Variants in LDB2 observed in about 807,000 individuals in gnomAD.
LDB2 encodes LIM domain binding 2, also known as LIM domain-binding protein 2.
LDB2 carries 12 observed loss-of-function variants against 44.3 expected under a neutral mutation model. The ratio of observed to expected loss-of-function variants is 0.27; its 90% CI spans 0.17 to 0.44. The LOEUF (loss-of-function observed/expected upper bound fraction) is 0.44, where lower values mean the gene tolerates loss of function less well. Ranked by LOEUF, LDB2 falls within the 20% of genes least tolerant of loss-of-function variation. LDB2 has a pLI of 1.00. For synonymous variants in LDB2, 164 were observed against 174.8 expected, an observed-to-expected ratio of 0.94 and a Z score of 0.49; for missense variants, 344 against 473.5, an observed-to-expected ratio of 0.73 and a Z score of 2.54.
chr4:16,864,412 T>C (rs1713893658), intron 1 of LDB2, among the ~76,000 whole-genome samples: 2 of 97,694 alleles, frequency 2.0e-5, no homozygotes, highest in Admixed American at 2.1e-4. Context: ...TTGGACTTTC[T>C]TCGCACAGAA....
At chr4:16,630,855 T>C (rs762306430) in intron 2 of LDB2, among the ~76,000 whole-genome samples, 1 of 152,136 alleles carries the variant, frequency 6.6e-6, no homozygotes, top group Non-Finnish European at 1.5e-5. Flanking sequence ...CATTACATAA[T>C]GGTAAAGGGA....
chr4:16,730,806 T>C (rs1760580680), intron 2 of LDB2, among the ~76,000 whole-genome samples: 1 of 152,198 alleles, frequency 6.6e-6, no homozygotes, highest in Non-Finnish European at 1.5e-5. Flanking sequence ...GACCTATTCA[T>C]TGTCATGACA....
At chr4:16,859,838 A>T (rs1405572992) in intron 1 of LDB2, among the ~76,000 whole-genome samples, 1 of 152,254 alleles carries the variant, frequency 6.6e-6, no homozygotes, top group Non-Finnish European at 1.5e-5. Flanking sequence ...AGTGATACAG[A>T]TAATTATAAA....
intron 5 of LDB2, among the ~76,000 whole-genome samples, chr4:16,547,586 G>A (rs1203503901): frequency 1.3e-5 from 2 of 152,146 alleles, no homozygotes; most frequent in Non-Finnish European, 2.9e-5. Flanking sequence ...TAGGGCTCCT[G>A]CCTGCTCCTT....
chr4:16,780,782 G>T (rs1773040087), intron 1 of LDB2, among the ~76,000 whole-genome samples: 1 of 151,724 alleles, frequency 6.6e-6, no homozygotes, highest in African/African-American at 2.4e-5. Context: ...TCTCAAATTG[G>T]GCTAAATGCT....
chr4:16,894,599 T>C (rs1403095335), intron 1 of LDB2, among the ~76,000 whole-genome samples: 5 of 152,118 alleles, frequency 3.3e-5, no homozygotes, highest in Non-Finnish European at 7.4e-5. Flanking sequence ...CTAAATGACC[T>C]CACATAAAAT....
At chr4:16,847,824 A>G (rs1160976119) in intron 1 of LDB2, among the ~76,000 whole-genome samples, 1 of 152,274 alleles carries the variant, frequency 6.6e-6, no homozygotes, top group South Asian at 2.1e-4. Context: ...TACCATGTTA[A>G]CCAGGATGGT....
At chr4:16,571,222 C>T (rs866345163) in intron 5 of LDB2, among the ~76,000 whole-genome samples, 14 of 152,146 alleles carry the variant, frequency 9.2e-5, no homozygotes, top group Non-Finnish European at 1.6e-4. Context: ...GGTTCTCCTT[C>T]GAGGAGTGAC....
chr4:16,608,344 G>C (rs948043006), intron 2 of LDB2, among the ~76,000 whole-genome samples: 2 of 152,152 alleles, frequency 1.3e-5, no homozygotes, highest in African/African-American at 4.8e-5. Context: ...GTCCACAGGG[G>C]GCTGTGCTTC....
At chr4:16,614,580 C>CAAAAAAAAAAAA (rs1164613202) in intron 2 of LDB2, among the ~76,000 whole-genome samples, 21 of 53,674 alleles carry the variant, frequency 3.9e-4, no homozygotes, top group Non-Finnish European at 6.5e-4. Flanking sequence ...CAAGAAAAAA[C>CAAAAAAAAAAAA]AAAAAAAAAA....
At chr4:16,740,030 GT>G (rs1469809686) in intron 2 of LDB2, among the ~76,000 whole-genome samples, 1 of 151,706 alleles carries the variant, frequency 6.6e-6, no homozygotes, top group Non-Finnish European at 1.5e-5. Context: ...CATGAGGGAG[GT>G]TTTTTGAACA....
chr4:16,601,975 T>C (rs545700412), intron 2 of LDB2, among the ~76,000 whole-genome samples: 81 of 152,296 alleles, frequency 5.3e-4, no homozygotes, highest in African/African-American at 1.8e-3. Flanking sequence ...TAGATCTTGT[T>C]GTTCTTGGTG....
chr4:16,754,429 C>T (rs181671327), intron 2 of LDB2, among the ~76,000 whole-genome samples: 1 of 152,124 alleles, frequency 6.6e-6, no homozygotes, highest in Non-Finnish European at 1.5e-5. Context: ...CCATGCATAT[C>T]AATGATAATA....
At position 16,508,693 on chromosome 4, in the gene LDB2, TA is replaced by T; in HGVS notation, c.740-8del. 9 of 1,612,884 alleles carry T rather than the reference TA, an allele frequency of 5.6e-6. No homozygotes were observed. The highest frequency in any genetic ancestry group is 7.6e-6 in the Non-Finnish European group (9 of 1,179,400). On this transcript the variant is annotated splice_polypyrimidine_tract_variant and splice_region_variant and intron_variant, in intron 6 of 7. Transcript: ENST00000304523. ...GGTTGCCTTGTGGGTTCTGCTGCAA[TA>T]TGGAAAAGGGAAGAGGGATCAGTTC...
chr4:16,740,256 T>A (rs991208461), intron 2 of LDB2, among the ~76,000 whole-genome samples: 2 of 152,148 alleles, frequency 1.3e-5, no homozygotes, highest in Non-Finnish European at 2.9e-5. Context: ...AGACACAGTT[T>A]CCATCATTTT....
rs139346985 is a variant in LDB2, at chr4:16,506,118, C to A, written c.891+2417G>T. On this transcript the variant is annotated intron_variant, in intron 7 of 7. Coordinates refer to ENST00000304523, the MANE Select transcript of LDB2 (RefSeq NM_001290.5). ...ATGCCTTTGGACCAGACAGTGGATG[C>A]CTGCAGGTAGCATCTCTAGTTAACC... 1.0e-3 allele frequency: 866 copies of A among 833,910 alleles called. 7 individuals carry two copies. In the African/African-American group the frequency reaches 0.014, roughly 13 times the overall value. The allele number at this position is 833,910 out of a possible 1,614,324, so 51.7% of individuals were successfully genotyped here.
At chr4:16,646,570 C>T (rs886829705) in intron 2 of LDB2, among the ~76,000 whole-genome samples, 2 of 152,176 alleles carry the variant, frequency 1.3e-5, no homozygotes, top group African/African-American at 4.8e-5. Context: ...CCTGGGGAGC[C>T]ACTGGCCCCT....
At chr4:16,817,044 TG>T (rs1781074099) in intron 1 of LDB2, among the ~76,000 whole-genome samples, 2 of 152,158 alleles carry the variant, frequency 1.3e-5, no homozygotes, top group Admixed American at 1.3e-4. Context: ...GAGCTCTTTG[TG>T]GGGGGAACAG....
chr4:16,873,593 C>T (rs1375245039), intron 1 of LDB2, among the ~76,000 whole-genome samples: 3 of 152,060 alleles, frequency 2.0e-5, no homozygotes, highest in African/African-American at 7.2e-5. Context: ...TATTCCAATT[C>T]CTAAAGAGTT....
Sources: gnomAD v4.1 joint callset for allele counts (sites outside exome capture counted in the v4.1 genomes callset) on GRCh38, gnomAD v4.1.1 for gene constraint, MANE v1.5 for transcripts, NCBI Gene and HGNC (gene_info 2026-07-23, HGNC 2026-07-21) for gene names.